Variants in SPOCK3 observed in about 807,000 individuals in gnomAD.
The protein encoded by SPOCK3 is testican-3.
In SPOCK3, 30 loss-of-function variants were observed where a neutral mutation model predicts 56.6. The observed-to-expected ratio is 0.53, with a 90% CI of 0.40 to 0.72. The LOEUF (loss-of-function observed/expected upper bound fraction) is 0.72, where lower values mean the gene tolerates loss of function less well. SPOCK3 is among the 30% of genes least tolerant of loss of function. The pLI, the probability that SPOCK3 is intolerant of heterozygous loss-of-function variation, is 0.00. For synonymous variants in SPOCK3, 196 were observed against 183.3 expected, an observed-to-expected ratio of 1.07 and a Z score of -0.56; for missense variants, 527 against 530.0, an observed-to-expected ratio of 0.99 and a Z score of 0.06.
chr4:166,818,139 T>C (rs962751593), intron 6 of SPOCK3, among the ~76,000 whole-genome samples: 9 of 152,038 alleles, frequency 5.9e-5, no homozygotes, highest in African/African-American at 9.7e-5. Context: ...CATATTTATC[T>C]TTCTGTTCCT....
At chr4:166,769,956 T>A (rs1012231459) in intron 7 of SPOCK3, among the ~76,000 whole-genome samples, 11 of 152,040 alleles carry the variant, frequency 7.2e-5, no homozygotes, top group Non-Finnish European at 5.9e-5. Context: ...TAGTAACGAG[T>A]GAGGCTTCAT....
chr4:166,929,740 C>T (rs373220021), intron 4 of SPOCK3, among the ~76,000 whole-genome samples: 56 of 152,182 alleles, frequency 3.7e-4, no homozygotes, highest in Non-Finnish European at 6.0e-4. Context: ...CTGGAAGATA[C>T]GATATCCATT....
chr4:167,163,102 T>C (rs971173190), intron 2 of SPOCK3, among the ~76,000 whole-genome samples: 1 of 151,402 alleles, frequency 6.6e-6, no homozygotes, highest in Non-Finnish European at 1.5e-5. Context: ...TTATAATTTT[T>C]ATTTACATAC....
chr4:167,174,782 G>A (rs1454536689), intron 2 of SPOCK3, among the ~76,000 whole-genome samples: 1 of 152,144 alleles, frequency 6.6e-6, no homozygotes. Flanking sequence ...TCTTCAAATT[G>A]TTTGAAAATT....
At chr4:166,940,108 A>G (rs1164788994) in intron 4 of SPOCK3, among the ~76,000 whole-genome samples, 2 of 152,230 alleles carry the variant, frequency 1.3e-5, no homozygotes, top group Admixed American at 6.5e-5. Flanking sequence ...TAAGTCACGC[A>G]TGGTGAGCAG....
At chr4:167,117,179 C>T (rs183979282) in intron 2 of SPOCK3, among the ~76,000 whole-genome samples, 2 of 151,932 alleles carry the variant, frequency 1.3e-5, no homozygotes, top group East Asian at 3.9e-4. Context: ...ATCAAAAAAT[C>T]ACATATACCC....
chr4:167,055,110 A>G (rs1269189127), intron 3 of SPOCK3, among the ~76,000 whole-genome samples: 1 of 152,174 alleles, frequency 6.6e-6, no homozygotes, highest in African/African-American at 2.4e-5. Context: ...ATATAATGAC[A>G]ATGTAAGTTT....
chr4:166,797,233 C>CTTTTTTTTTTTTTTTTTTTTTTT, intron 6 of SPOCK3, among the ~76,000 whole-genome samples: 1 of 80,752 alleles, frequency 1.2e-5, no homozygotes, highest in South Asian at 4.3e-4. Context: ...TTCCACCTTT[C>CTTTTTTTTTTTTTTTTTTTTTTT]TTTTTTTTTT....
intron 2 of SPOCK3, among the ~76,000 whole-genome samples, chr4:167,158,553 GAACC>G (rs1765010620): frequency 6.6e-6 from 1 of 151,902 alleles, no homozygotes; most frequent in Non-Finnish European, 1.5e-5. Context: ...ATTCTCTCTA[GAACC>G]AAGTAAATAA....
chr4:166,854,622 GA>G (rs953049032), intron 6 of SPOCK3, among the ~76,000 whole-genome samples: 1 of 152,042 alleles, frequency 6.6e-6, no homozygotes, highest in African/African-American at 2.4e-5. Flanking sequence ...TTTAATTACT[GA>G]AAAATATGTT....
At chr4:166,748,085 C>T (rs1579106620) in intron 8 of SPOCK3, among the ~76,000 whole-genome samples, 2 of 151,740 alleles carry the variant, frequency 1.3e-5, no homozygotes, top group South Asian at 4.2e-4. Flanking sequence ...GATTCAATGC[C>T]ATCCCCTTCA....
At chr4:167,159,275 T>C (rs759676598) in intron 2 of SPOCK3, among the ~76,000 whole-genome samples, 1 of 152,048 alleles carries the variant, frequency 6.6e-6, no homozygotes, top group Non-Finnish European at 1.5e-5. Context: ...AATTAATATA[T>C]GATTGTGATA....
At chr4:167,089,101 AT>A (rs1181015718) in intron 2 of SPOCK3, among the ~76,000 whole-genome samples, 4 of 152,124 alleles carry the variant, frequency 2.6e-5, no homozygotes, top group African/African-American at 9.7e-5. Flanking sequence ...CAATAGACAA[AT>A]CTGATATGTA....
rs548473542 is a variant in SPOCK3, at chr4:166,916,458, A to G, written c.351-3715T>C. ...AGCATCAGTCTCATATGAAAGCTCA[A>G]CAGTCTCATTTTCCTAATAACTATA... is the stretch of plus-strand genomic sequence containing the variant. On this transcript the variant is annotated intron_variant, in intron 4 of 10. Transcript: ENST00000357545. 9.9e-5 allele frequency among the ~76,000 whole-genome samples: 15 copies of G among 152,278 alleles called. No individual in the cohort carries two copies. In the South Asian group the frequency reaches 3.1e-3, roughly 32 times the overall value.
chr4:167,029,764 G>A (rs10471191), intron 3 of SPOCK3, among the ~76,000 whole-genome samples: 8,022 of 151,850 alleles, frequency 0.053, 693 homozygotes, highest in African/African-American at 0.18. Flanking sequence ...TCAATCTTTT[G>A]TGACATTTGT....
At chr4:166,745,129 T>C (rs918531677) in intron 8 of SPOCK3, among the ~76,000 whole-genome samples, 1 of 152,030 alleles carries the variant, frequency 6.6e-6, no homozygotes, top group Non-Finnish European at 1.5e-5. Flanking sequence ...ATTCAGGATA[T>C]ACAGAGAACA....
intron 8 of SPOCK3, among the ~76,000 whole-genome samples, chr4:166,747,252 C>T (rs111655959): frequency 9.2e-5 from 14 of 152,164 alleles, no homozygotes; most frequent in African/African-American, 2.4e-4. Flanking sequence ...ACTGGCAAAC[C>T]GAATCCAGCA....
chr4:166,820,417 G>A (rs1744804164), intron 6 of SPOCK3, among the ~76,000 whole-genome samples: 1 of 151,980 alleles, frequency 6.6e-6, no homozygotes, highest in Non-Finnish European at 1.5e-5. Flanking sequence ...TTAGATTAAT[G>A]GAAGAAAATT....
chr4:166,932,176 T>C (rs2149998970), intron 4 of SPOCK3, among the ~76,000 whole-genome samples: 1 of 152,332 alleles, frequency 6.6e-6, no homozygotes, highest in South Asian at 2.1e-4. Context: ...AACTTAACAA[T>C]GTTCAGTAAG....
Sources: gnomAD v4.1 joint callset for allele counts (sites outside exome capture counted in the v4.1 genomes callset) on GRCh38, gnomAD v4.1.1 for gene constraint, MANE v1.5 for transcripts, NCBI Gene and HGNC (gene_info 2026-07-23, HGNC 2026-07-21) for gene names.